The following FAM3B variants were observed in gnomAD, a reference collection of about 807,000 sequenced individuals.
The protein encoded by FAM3B is FAM3 metabolism regulating signaling molecule B.
A neutral mutation model predicts 28.4 loss-of-function variants in FAM3B; 29 were observed. That is an observed-to-expected ratio of 1.02 (90% CI 0.76 to 1.39). FAM3B has a LOEUF of 1.39. Ranked by LOEUF, FAM3B falls within the 40% of genes most tolerant of loss-of-function variation. The pLI is 0.00. For synonymous variants in FAM3B, 91 were observed against 103.0 expected, an observed-to-expected ratio of 0.88 and a Z score of 0.71; for missense variants, 266 against 293.9, an observed-to-expected ratio of 0.91 and a Z score of 0.69.
At position 41,338,475 on chromosome 21, in the gene FAM3B, C is replaced by T. The variant is rs376038821; in HGVS notation, c.261C>T (p.Tyr87=). 24 of 1,614,134 alleles carry T rather than the reference C, an allele frequency of 1.5e-5. No individual in the cohort carries two copies. The East Asian group carries it at 2.5e-4, about 16-fold the overall frequency. The change falls in exon 3 of 8, where the codon TAC becomes TAT. Residue 87 remains tyrosine, a synonymous_variant. Coordinates refer to ENST00000357985, the MANE Select transcript of FAM3B (RefSeq NM_058186.4). The part of the protein sequence containing the change: ...RLLSGGGRSK[Y]AKICFEDNLL... Reference sequence around the variant, plus strand: ...TCAGCGGAGGTGGCAGAAGCAAGTACGCCAAAATCTGCTTTGAGGATAACC... The same window carrying T: ...TCAGCGGAGGTGGCAGAAGCAAGTATGCCAAAATCTGCTTTGAGGATAACC...
intron 1 of FAM3B, among the ~76,000 whole-genome samples, chr21:41,317,416 G>A (rs1601347690): frequency 1.3e-5 from 2 of 152,108 alleles, no homozygotes; most frequent in Non-Finnish European, 2.9e-5. Flanking sequence ...GGACGATTTG[G>A]AAAAATAGGA....
At chr21:41,314,016 A>G (rs192023697), upstream of FAM3B, among the ~76,000 whole-genome samples, 29 of 152,336 alleles carry the variant, frequency 1.9e-4, no homozygotes, top group African/African-American at 5.8e-4. Flanking sequence ...AACAAAAACA[A>G]AAACATTCAT....
chr21:41,309,405 G>A (rs2088698214), intron 1 of FAM3B, among the ~76,000 whole-genome samples: 2 of 152,130 alleles, frequency 1.3e-5, no homozygotes, highest in Non-Finnish European at 2.9e-5. Flanking sequence ...TCTCTTCCTT[G>A]CTAGGCTTGA....
intron 1 of FAM3B, 61 bp downstream of exon 1, chr21:41,316,959 C>A (rs1358341861): frequency 1.6e-6 from 2 of 1,254,706 alleles, no homozygotes; most frequent in Non-Finnish European, 2.0e-6. Flanking sequence ...CCAGGGGAAG[C>A]GTCGCTCCCC....
At chr21:41,352,737 T>C (rs188106504) in intron 7 of FAM3B, among the ~76,000 whole-genome samples, 12 of 152,006 alleles carry the variant, frequency 7.9e-5, no homozygotes, top group African/African-American at 2.9e-4. Flanking sequence ...GAGGTTGCAG[T>C]GAGCCAAGAT....
chr21:41,312,753 A>G (rs372297785), upstream of FAM3B, among the ~76,000 whole-genome samples: 37 of 99,026 alleles, frequency 3.7e-4, no homozygotes, highest in Middle Eastern at 4.7e-3. Context: ...GTGTGTGTGT[A>G]TGATGTCTGC....
intron 2 of FAM3B, among the ~76,000 whole-genome samples, chr21:41,338,155 T>C (rs2088972572): frequency 6.6e-6 from 1 of 152,054 alleles, no homozygotes; most frequent in Admixed American, 6.6e-5. Context: ...TCAGTACCCC[T>C]CTCCTTCTTT....
chr21:41,308,410 C>T (rs1209082570), intron 1 of FAM3B, among the ~76,000 whole-genome samples: 2 of 152,190 alleles, frequency 1.3e-5, no homozygotes, highest in African/African-American at 4.8e-5. Flanking sequence ...AACTTCCATG[C>T]TCTTCCTCCA....
At chr21:41,316,728 CTGCCATT>C, upstream of FAM3B, 1 of 624,388 alleles carries the variant, frequency 1.6e-6, no homozygotes, top group Non-Finnish European at 2.4e-6. Context: ...GGGTCCGCAC[CTGCCATT>C]TGCCCGACTG....
intron 1 of FAM3B, among the ~76,000 whole-genome samples, chr21:41,321,255 G>A (rs1028245314): frequency 3.9e-5 from 6 of 152,314 alleles, no homozygotes; most frequent in Middle Eastern, 3.4e-3. Context: ...CGACCCACGC[G>A]GTGTCACAGG....
chr21:41,307,157 A>T (rs2088686977), intron 1 of FAM3B, among the ~76,000 whole-genome samples: 1 of 152,236 alleles, frequency 6.6e-6, no homozygotes, highest in Non-Finnish European at 1.5e-5. Flanking sequence ...TCTGGAAGAC[A>T]TTCTGTAGCT....
At chr21:41,351,572 G>C (rs2838023) in intron 7 of FAM3B, among the ~76,000 whole-genome samples, 16,836 of 152,058 alleles carry the variant, frequency 0.11, 1,771 homozygotes, top group African/African-American at 0.27. Context: ...GGAATCATTT[G>C]TGTCTGTGTT....
chr21:41,330,148 A>AAAC lies in FAM3B; in HGVS notation c.163+7084_163+7085insCAA, dbSNP rs2088891817. On this transcript the variant is annotated intron_variant, in intron 2 of 7. Transcript: ENST00000357985. Reference sequence around the variant, plus strand: ...TGTCTGTATAGGAAAAAAAAAAAAAAAAACATAATACAGGTACAGCATCCC... The same window carrying AAAC: ...TGTCTGTATAGGAAAAAAAAAAAAAAAACAAACATAATACAGGTACAGCATCCC... Among the ~76,000 whole-genome samples, 9 of 151,890 alleles carry AAAC rather than the reference A, an allele frequency of 5.9e-5. 1 individual carries two copies. The highest frequency in any genetic ancestry group is 1.9e-4 in the East Asian group (1 of 5,176).
chr21:41,312,625 C>A (rs1408301507), upstream of FAM3B, among the ~76,000 whole-genome samples: 1 of 152,008 alleles, frequency 6.6e-6, no homozygotes, highest in Non-Finnish European at 1.5e-5. Flanking sequence ...AAAGCATGTA[C>A]AATTCAGTAT....
chr21:41,351,911 G>A (rs1568924214), intron 7 of FAM3B, among the ~76,000 whole-genome samples: 1 of 152,208 alleles, frequency 6.6e-6, no homozygotes, highest in Non-Finnish European at 1.5e-5. Context: ...TTCAGATCTG[G>A]ACTTGGCCAC....
upstream of FAM3B, among the ~76,000 whole-genome samples, chr21:41,315,747 A>C (rs1451457445): frequency 1.3e-5 from 2 of 152,158 alleles, no homozygotes; most frequent in African/African-American, 2.4e-5. Context: ...GGAGGAATAA[A>C]GCCACATTGT....
At chr21:41,320,728 T>TAG (rs2088795146) in intron 1 of FAM3B, 1 of 152,194 alleles carries the variant, frequency 6.6e-6, no homozygotes, top group Non-Finnish European at 1.5e-5. Flanking sequence ...GTCCCCAGCC[T>TAG]AGAGGTCATT....
Position 41,316,829 on chromosome 21 carries a change from C to T in FAM3B, c.-51C>T. 5 of 1,426,242 alleles carry T rather than the reference C, an allele frequency of 3.5e-6. No individual in the cohort carries two copies. Among genetic ancestry groups the T allele is most frequent in the South Asian group, 1.4e-5 (1 of 70,662 alleles). 88.3% of individuals were successfully genotyped at this position (1,426,242 alleles called of 1,614,324 possible). On this transcript the variant is annotated 5_prime_UTR_variant, in exon 1 of 8. Transcript: ENST00000357985. ...CCTGACCCAGGGGCTCCGCTGGCTGCGGTCGCCTGGGAGCTGCCGCCAGGG... is the reference window on the plus strand; with the variant it reads ...CCTGACCCAGGGGCTCCGCTGGCTGTGGTCGCCTGGGAGCTGCCGCCAGGG...
intron 1 of FAM3B, among the ~76,000 whole-genome samples, chr21:41,308,643 G>A (rs1011551470): frequency 1.3e-5 from 2 of 149,552 alleles, no homozygotes; most frequent in South Asian, 4.3e-4. Flanking sequence ...GGGTTCAAGC[G>A]ATCCTCCTGC....
Sources: gnomAD v4.1 joint callset for allele counts (sites outside exome capture counted in the v4.1 genomes callset) on GRCh38, gnomAD v4.1.1 for gene constraint, MANE v1.5 for transcripts, NCBI Gene and HGNC (gene_info 2026-07-23, HGNC 2026-07-21) for gene names.